Variants in MTHFD2L observed in about 807,000 individuals in gnomAD.
The protein encoded by MTHFD2L is methylenetetrahydrofolate dehydrogenase (NADP+ dependent) 2 like, also known as bifunctional methylenetetrahydrofolate dehydrogenase/cyclohydrolase 2, mitochondrial.
MTHFD2L carries 29 observed loss-of-function variants against 34.9 expected under a neutral mutation model. The ratio of observed to expected loss-of-function variants is 0.83; its 90% confidence interval spans 0.62 to 1.13. The LOEUF is 1.13. Ranked by LOEUF, MTHFD2L falls within the 50% of genes most tolerant of loss-of-function variation. The probability of loss-of-function intolerance (pLI) is 0.00; values close to 1 mark genes in which losing one functional copy is unlikely to be tolerated. For missense variants in MTHFD2L, 481 were observed against 446.5 expected, an observed-to-expected ratio of 1.08 and a Z score of -0.70; for synonymous variants, 167 against 155.7, an observed-to-expected ratio of 1.07 and a Z score of -0.54.
intron 6 of MTHFD2L, among the ~76,000 whole-genome samples, chr4:74,225,924 G>A (rs1376428201): frequency 6.6e-6 from 1 of 152,068 alleles, no homozygotes; most frequent in African/African-American, 2.4e-5. Flanking sequence ...CAAAAAAGAT[G>A]ACATATGAAA....
At chr4:74,246,334 T>C (rs1742444885) in intron 6 of MTHFD2L, among the ~76,000 whole-genome samples, 1 of 151,926 alleles carries the variant, frequency 6.6e-6, no homozygotes, top group Non-Finnish European at 1.5e-5. Context: ...TGTTTGTTTT[T>C]TTCTTGTAAA....
At chr4:74,116,009 A>C (rs1488258131) in intron 2 of MTHFD2L, among the ~76,000 whole-genome samples, 1 of 152,208 alleles carries the variant, frequency 6.6e-6, no homozygotes, top group African/African-American at 2.4e-5. Context: ...ATATTCCTGA[A>C]GGGGAGGGGT....
At chr4:74,284,573 T>G (rs1233386121) in intron 7 of MTHFD2L, among the ~76,000 whole-genome samples, 1 of 152,162 alleles carries the variant, frequency 6.6e-6, no homozygotes, top group Admixed American at 6.6e-5. Context: ...CTTTGTAGAT[T>G]CTGGATATTA....
intron 5 of MTHFD2L, among the ~76,000 whole-genome samples, chr4:74,219,903 G>A (rs1737858230): frequency 6.6e-6 from 1 of 152,056 alleles, no homozygotes; most frequent in Non-Finnish European, 1.5e-5. Flanking sequence ...TGAAAAAGGA[G>A]TGAAATTACC....
intron 7 of MTHFD2L, among the ~76,000 whole-genome samples, chr4:74,292,161 T>C (rs553432160): frequency 6.6e-6 from 1 of 152,310 alleles, no homozygotes; most frequent in Admixed American, 6.5e-5. Context: ...GTCAACTGCC[T>C]CCATTGTGGC....
intron 5 of MTHFD2L, among the ~76,000 whole-genome samples, chr4:74,218,614 GC>G (rs58972298): frequency 0.095 from 13,820 of 145,702 alleles, 805 homozygotes; most frequent in African/African-American, 0.17. Context: ...GTAATTTCAA[GC>G]CCCCCCCCCA....
intron 7 of MTHFD2L, among the ~76,000 whole-genome samples, chr4:74,297,642 G>A (rs551392984): frequency 1.2e-4 from 18 of 152,110 alleles, no homozygotes; most frequent in African/African-American, 4.3e-4. Flanking sequence ...GCAAACCTTT[G>A]TCTGCCCTCA....
chr4:74,268,136 G>T (rs2110239331), intron 6 of MTHFD2L: 1 of 984,212 alleles, frequency 1.0e-6, no homozygotes, highest in African/African-American at 1.8e-5. Flanking sequence ...ACTTTTTGAG[G>T]ATTTCTAGAA....
chr4:74,129,307 C>T (rs1390799340), intron 1 of MTHFD2L, among the ~76,000 whole-genome samples: 1 of 152,114 alleles, frequency 6.6e-6, no homozygotes, highest in Non-Finnish European at 1.5e-5. Context: ...CTCAGCCCCA[C>T]ATCATCCTTA....
At chr4:74,232,417 C>A (rs554401513) in intron 6 of MTHFD2L, among the ~76,000 whole-genome samples, 1 of 152,092 alleles carries the variant, frequency 6.6e-6, no homozygotes, top group Non-Finnish European at 1.5e-5. Flanking sequence ...AGGCCTTTAT[C>A]CACCGTCCCA....
At chr4:74,138,545 C>T (rs978784623) in intron 1 of MTHFD2L, among the ~76,000 whole-genome samples, 1 of 152,168 alleles carries the variant, frequency 6.6e-6, no homozygotes, top group African/African-American at 2.4e-5. Context: ...CAAACCTGGG[C>T]ACTTAACCAT....
chr4:74,129,312 T>G (rs1469151614), intron 1 of MTHFD2L, among the ~76,000 whole-genome samples: 1 of 151,962 alleles, frequency 6.6e-6, no homozygotes, highest in Non-Finnish European at 1.5e-5. Flanking sequence ...CCCCACATCA[T>G]CCTTATTCTA....
chr4:74,258,434 A>G (rs1342834038), intron 6 of MTHFD2L, among the ~76,000 whole-genome samples: 2 of 152,090 alleles, frequency 1.3e-5, no homozygotes, highest in Non-Finnish European at 2.9e-5. Context: ...TCCTTAAACA[A>G]CATGGTTTTG....
At chr4:74,228,553 T>C (rs990749890) in intron 6 of MTHFD2L, among the ~76,000 whole-genome samples, 6 of 152,220 alleles carry the variant, frequency 3.9e-5, no homozygotes, top group African/African-American at 1.4e-4. Context: ...TTTATTATTA[T>C]GACAAATGGC....
intron 6 of MTHFD2L, among the ~76,000 whole-genome samples, chr4:74,277,637 C>A (rs1359913550): frequency 6.6e-6 from 1 of 151,994 alleles, no homozygotes; most frequent in Non-Finnish European, 1.5e-5. Context: ...ATTATATTAT[C>A]CTTAGAATAT....
chr4:74,298,583 G>A (rs1397418974), intron 7 of MTHFD2L, among the ~76,000 whole-genome samples: 1 of 152,010 alleles, frequency 6.6e-6, no homozygotes, highest in Non-Finnish European at 1.5e-5. Context: ...GAGCATACCA[G>A]TGGTTTATCT....
rs532097172 is a variant in MTHFD2L, at chr4:74,137,676, T to G, written c.-297+12159T>G. Among the ~76,000 whole-genome samples, 42 of 152,316 alleles carry G rather than the reference T, an allele frequency of 2.8e-4. 1 individual carries two copies. In the South Asian group the frequency reaches 5.2e-3, roughly 19 times the overall value. ...CATTCCCATGTTTACTGCTGCATTA[T>G]TCACAATAGGCAAAATATAGAATCA... On this transcript the variant is annotated intron_variant, in intron 1 of 7. Transcript: ENST00000433372.
chr4:74,275,039 C>A lies in MTHFD2L; in HGVS notation c.806-6386C>A, dbSNP rs151131263. 8.0e-4 allele frequency among the ~76,000 whole-genome samples: 121 copies of A among 152,166 alleles called. No homozygotes were observed. In the East Asian group the frequency reaches 0.022, roughly 27 times the overall value. ...CCGTATGCCATGGTGGTTTGCTGCA[C>A]CTATCAACGCATCACCTAGGTTTTA... On this transcript the variant is annotated intron_variant, in intron 6 of 7. Transcript: ENST00000325278.
chr4:74,169,440 G>A (rs1727437904), intron 1 of MTHFD2L, among the ~76,000 whole-genome samples: 1 of 152,154 alleles, frequency 6.6e-6, no homozygotes. Context: ...TAATGTGAGT[G>A]AATCAATAAT....
Sources: gnomAD v4.1 joint callset for allele counts (sites outside exome capture counted in the v4.1 genomes callset) on GRCh38, gnomAD v4.1.1 for gene constraint, MANE v1.5 for transcripts, NCBI Gene and HGNC (gene_info 2026-07-23, HGNC 2026-07-21) for gene names.